The following SCGN variants were observed in gnomAD, a reference collection of about 807,000 sequenced individuals.
The protein encoded by SCGN is secretagogin, EF-hand calcium binding protein.
Under a neutral mutation model 39.7 loss-of-function variants are expected in SCGN, and 30 were observed. That is an observed-to-expected ratio of 0.76 (90% confidence interval 0.57 to 1.03). The LOEUF (loss-of-function observed/expected upper bound fraction) is 1.03, where lower values mean the gene tolerates loss of function less well. SCGN is among the 50% of genes least tolerant of loss of function. The probability of loss-of-function intolerance (pLI) is 0.00; values close to 1 mark genes in which losing one functional copy is unlikely to be tolerated. For missense variants in SCGN, 353 were observed against 349.4 expected (o/e 1.01, Z -0.08); for synonymous variants, 106 against 114.1 (o/e 0.93, Z 0.45).
chr6:25,691,588 G>T (rs999918913), intron 10 of SCGN, among the ~76,000 whole-genome samples: 6 of 152,054 alleles, frequency 3.9e-5, no homozygotes, highest in African/African-American at 1.2e-4. Flanking sequence ...CATTGCTGAG[G>T]TTGGGGCGGA....
rs985933597 is a variant in SCGN, at chr6:25,697,363, G to T, written c.703-3844G>T. Among the ~76,000 whole-genome samples, 7 of 152,172 alleles carry T rather than the reference G, an allele frequency of 4.6e-5. No individual in the cohort carries two copies. The South Asian group carries it at 6.2e-4, about 14-fold the overall frequency. Reference sequence around the variant, plus strand: ...TGCATGGTTACAGAATAAGGTTCTGGTTAATTAAATATTTTGATTGGTAGA... The same window carrying T: ...TGCATGGTTACAGAATAAGGTTCTGTTTAATTAAATATTTTGATTGGTAGA... On this transcript the variant is annotated intron_variant, in intron 10 of 10. Coordinates refer to ENST00000377961, the MANE Select transcript of SCGN (RefSeq NM_006998.4).
At chr6:25,690,942 TA>T (rs1759766468) in intron 9 of SCGN, 113 bp from the exon 10 acceptor site, 3 of 721,194 alleles carry the variant, frequency 4.2e-6, no homozygotes, top group Non-Finnish European at 7.1e-6. Flanking sequence ...ATGCCACTTC[TA>T]AATCTATTTG....
rs1759581257 is a variant in SCGN, at chr6:25,677,579, TA to T, written c.472-4366del. 7.2e-5 allele frequency among the ~76,000 whole-genome samples: 11 copies of T among 152,312 alleles called. No individual in the cohort carries two copies. The South Asian group carries it at 2.3e-3, about 32-fold the overall frequency. ...GAATGATTTCCAATAATTTATTAAA[TA>T]AAAAAGGAAGTTGCAAGATAGTCTA... On this transcript the variant is annotated intron_variant, in intron 6 of 10. Coordinates refer to ENST00000377961, the MANE Select transcript of SCGN (RefSeq NM_006998.4).
intron 7 of SCGN, among the ~76,000 whole-genome samples, chr6:25,683,026 T>C (rs1265652574): frequency 6.6e-6 from 1 of 152,222 alleles, no homozygotes; most frequent in East Asian, 1.9e-4. Flanking sequence ...GTACACTAAA[T>C]GGCCTTCTAT....
intron 7 of SCGN, 53 bp downstream of exon 7, chr6:25,682,059 T>G: frequency 1.5e-6 from 2 of 1,336,216 alleles, no homozygotes; most frequent in Non-Finnish European, 2.2e-6. Flanking sequence ...ACTAGGGGTC[T>G]GATGACATCA....
In SCGN at chr6:25,701,513, T is replaced by C; in HGVS notation, c.*178T>C. On this transcript the variant is annotated 3_prime_UTR_variant, in exon 11 of 11. Coordinates refer to ENST00000377961, the MANE Select transcript of SCGN (RefSeq NM_006998.4). ...CCGGCGTGATCTATCCCTGTCTCAC[T>C]GAAAGCCCCTGTGTAGTGTCTGTGT... 1 of 665,612 alleles carries C rather than the reference T, an allele frequency of 1.5e-6. No individual in the cohort carries two copies. The allele number at this position is 665,612 out of a possible 1,614,324, so 41.2% of individuals were successfully genotyped here.
At chr6:25,683,662 T>C (rs1357981206) in intron 7 of SCGN, among the ~76,000 whole-genome samples, 1 of 152,212 alleles carries the variant, frequency 6.6e-6, no homozygotes. Flanking sequence ...ATAGTGAAGA[T>C]ATAGTGAAGT....
At chr6:25,692,552 T>C (rs956205167) in intron 10 of SCGN, among the ~76,000 whole-genome samples, 3 of 152,178 alleles carry the variant, frequency 2.0e-5, no homozygotes, top group Non-Finnish European at 4.4e-5. Context: ...GAGCAGTCAG[T>C]CATTAACCAA....
At position 25,669,564 on chromosome 6, in the gene SCGN, CCG is replaced by C; in HGVS notation, c.393_393+1del. 1 of 1,612,632 alleles carries C rather than the reference CCG, an allele frequency of 6.2e-7. No individual in the cohort carries two copies. Among genetic ancestry groups the C allele is most frequent in the Non-Finnish European group, 8.5e-7 (1 of 1,178,714 alleles). Reference sequence around the variant, plus strand: ...GTGGCTTTATATCAGCTGCTGAGCTCCGCGTGAGTGTCACTGGGTGAAGGGTG... The same window carrying C: ...GTGGCTTTATATCAGCTGCTGAGCTCCGTGAGTGTCACTGGGTGAAGGGTG... Reference protein sequence around the residue: ...SSGFISAAELRNFLRDLFLHH... With the variant: ...SSGFISAAELXNFLRDLFLHH... On this transcript the variant is annotated frameshift_variant and splice_region_variant, in exon 5 of 11. Coordinates refer to ENST00000377961, the MANE Select transcript of SCGN (RefSeq NM_006998.4). LOFTEE classifies it high-confidence loss of function.
At position 25,701,540 on chromosome 6, in the gene SCGN, G is replaced by A; in HGVS notation, c.*205G>A. The A allele has an allele frequency of 2.0e-6, 1 of 498,730 alleles. No individual in the cohort carries two copies. Among genetic ancestry groups the A allele is most frequent in the Non-Finnish European group, 3.3e-6 (1 of 298,802 alleles). 30.9% of individuals were successfully genotyped at this position (498,730 alleles called of 1,614,324 possible). ...AAAGCCCCTGTGTAGTGTCTGTGTT[G>A]TTTTCCCTTGACCCTGGGCTTTCCT... On this transcript the variant is annotated 3_prime_UTR_variant, in exon 11 of 11. Transcript: ENST00000377961.
At chr6:25,669,888 T>G in intron 5 of SCGN, 111 bp from the exon 6 acceptor site, 1 of 928,164 alleles carries the variant, frequency 1.1e-6, no homozygotes. Context: ...TAAAAGCATT[T>G]TATTTCCTCC....
chr6:25,698,017 AAT>A, intron 10 of SCGN, among the ~76,000 whole-genome samples: 1 of 152,312 alleles, frequency 6.6e-6, no homozygotes, highest in Admixed American at 6.5e-5. Context: ...GATTAGAGTT[AAT>A]ATATTTAGAG....
At chr6:25,680,122 A>G (rs1478351426) in intron 6 of SCGN, among the ~76,000 whole-genome samples, 1 of 152,224 alleles carries the variant, frequency 6.6e-6, no homozygotes, top group African/African-American at 2.4e-5. Context: ...GAGCCCTCAT[A>G]AATGGTCTTT....
chr6:25,673,620 G>A (rs898183484), intron 6 of SCGN, among the ~76,000 whole-genome samples: 7 of 152,122 alleles, frequency 4.6e-5, no homozygotes, highest in African/African-American at 1.4e-4. Flanking sequence ...CTGTCCATTG[G>A]CCAAGATGGT....
intron 10 of SCGN, among the ~76,000 whole-genome samples, chr6:25,700,766 C>T (rs1313884818): frequency 6.6e-6 from 1 of 152,140 alleles, no homozygotes; most frequent in Non-Finnish European, 1.5e-5. Context: ...CCTAGCTCAA[C>T]CACATGTTTT....
chr6:25,694,269 G>A (rs996502610), intron 10 of SCGN, among the ~76,000 whole-genome samples: 1 of 152,076 alleles, frequency 6.6e-6, no homozygotes, highest in Non-Finnish European at 1.5e-5. Context: ...CCTTTCAATT[G>A]TCATTGAGTT....
intron 5 of SCGN, 56 bp from the exon 6 acceptor site, chr6:25,669,943 C>T (rs981278475): frequency 2.3e-5 from 31 of 1,362,034 alleles, no homozygotes; most frequent in Non-Finnish European, 3.0e-5. Flanking sequence ...CCTTTTAAGA[C>T]CTTTGCAGTT....
rs557202115 is a variant in SCGN, at chr6:25,660,865, T to G, written c.154-687T>G. Among the ~76,000 whole-genome samples, 3 of 152,234 alleles carry G rather than the reference T, an allele frequency of 2.0e-5. No individual in the cohort carries two copies. In the South Asian group the frequency reaches 6.2e-4, roughly 31 times the overall value. ...AGCATAAATTTCAGCAAGTCTAGAA[T>G]CTTACAATTGGGCACTGTTTGGGAT... On this transcript the variant is annotated intron_variant, in intron 2 of 10. Transcript: ENST00000377961.
intron 7 of SCGN, among the ~76,000 whole-genome samples, chr6:25,682,910 C>T (rs1759655709): frequency 6.6e-6 from 1 of 152,188 alleles, no homozygotes; most frequent in Admixed American, 6.5e-5. Flanking sequence ...AATCCCACAC[C>T]AGCTATCTCC....
Sources: allele counts gnomAD v4.1 joint callset (sites outside exome capture counted in the v4.1 genomes callset), GRCh38; gene constraint gnomAD v4.1.1; transcripts MANE v1.5; gene names NCBI Gene and HGNC (gene_info 2026-07-23, HGNC 2026-07-21).